WBP2: variants seen among roughly 807,000 people sequenced by gnomAD.
WBP2 encodes the protein WW domain binding protein 2.
In WBP2, 23 loss-of-function variants were observed where a neutral mutation model predicts 33.0. The ratio of observed to expected loss-of-function variants is 0.70; its 90% CI spans 0.50 to 0.99. The LOEUF is 0.99. Ranked by LOEUF, WBP2 falls within the 50% of genes least tolerant of loss-of-function variation. The pLI, the probability that WBP2 is intolerant of heterozygous loss-of-function variation, is 0.00. For missense variants in WBP2, 353 were observed against 358.0 expected (o/e 0.99, Z 0.11); for synonymous variants, 153 against 133.5 (o/e 1.15, Z -1.01).
At chr17:75,848,146 A>T (rs2065006560) in intron 4 of WBP2, 1 of 655,210 alleles carries the variant, frequency 1.5e-6, no homozygotes, top group Non-Finnish European at 2.6e-6. Flanking sequence ...AAGGCAAGGG[A>T]GGTCAAGGGC....
At chr17:75,848,711 T>G (rs112161469) in intron 3 of WBP2, 49 bp from the exon 4 acceptor site, 2 of 1,524,000 alleles carry the variant, frequency 1.3e-6, no homozygotes, top group East Asian at 2.3e-5. Flanking sequence ...AGAAAACTTA[T>G]GCCCAAAGAG....
chr17:75,846,896 A>C lies in WBP2; in HGVS notation c.732+12T>G. ...GCTGTGGGGCTGCACCGGCACTGCC[A>C]AGCCCTCTCACCGTGGGCATGTAGA... is the stretch of plus-strand genomic sequence containing the variant. On this transcript the variant is annotated intron_variant, in intron 7 of 7. Transcript: ENST00000254806. This position sits in a 1 kb window ranked among gnomAD's most constrained non-coding sequence, Gnocchi z 4.8. 6.2e-7 allele frequency: 1 copy of C among 1,614,042 alleles called. No individual in the cohort carries two copies. Among genetic ancestry groups the C allele is most frequent in the Non-Finnish European group, 8.5e-7 (1 of 1,179,952 alleles).
intron 6 of WBP2, 160 bp downstream of exon 6, chr17:75,847,327 C>G (rs970127045): frequency 2.5e-6 from 3 of 1,215,708 alleles, no homozygotes; most frequent in Non-Finnish European, 3.5e-6. Flanking sequence ...AATCTAGCTC[C>G]GCTCCACCAG....
chr17:75,855,606 T>G (rs1472294124), upstream of WBP2: 14 of 370,934 alleles, frequency 3.8e-5, 1 homozygote, highest in South Asian at 4.3e-4. Context: ...CCTGAATTGG[T>G]TCCACATTTT....
In WBP2 at chr17:75,846,014, G is replaced by A. The variant is rs2064987739; in HGVS notation, c.*720C>T. On this transcript the variant is annotated 3_prime_UTR_variant, in exon 8 of 8. Transcript: ENST00000254806. The surrounding 1 kb of genome is among the most constrained non-coding windows in gnomAD (Gnocchi z 4.8). ...CAAGTGGACAGACATGCATTCTCTGGTTCCAGTCAGGAAGCTCCTTCTAGA... is the reference window on the plus strand; with the variant it reads ...CAAGTGGACAGACATGCATTCTCTGATTCCAGTCAGGAAGCTCCTTCTAGA... 1 of 152,502 alleles carries A rather than the reference G, an allele frequency of 6.6e-6. No individual in the cohort carries two copies. The highest frequency in any genetic ancestry group is 1.5e-5 in the Non-Finnish European group (1 of 68,218). The allele number at this position is 152,502 out of a possible 1,614,324, so 9.4% of individuals were successfully genotyped here.
intron 1 of WBP2, among the ~76,000 whole-genome samples, chr17:75,853,018 G>C (rs1377044598): frequency 6.6e-6 from 1 of 152,112 alleles, no homozygotes; most frequent in Non-Finnish European, 1.5e-5. Flanking sequence ...TTCACGACTT[G>C]AAGAGTAACG....
intron 1 of WBP2, among the ~76,000 whole-genome samples, chr17:75,853,041 A>G (rs2065037017): frequency 6.6e-6 from 1 of 151,796 alleles, no homozygotes; most frequent in Non-Finnish European, 1.5e-5. Context: ...CACTATTTTA[A>G]TTATAATTTT....
At chr17:75,853,550 G>C (rs1178337121) in intron 1 of WBP2, among the ~76,000 whole-genome samples, 1 of 152,088 alleles carries the variant, frequency 6.6e-6, no homozygotes, top group African/African-American at 2.4e-5. Context: ...AAGAAAAACA[G>C]TCCCCAGAGA....
Position 75,851,626 on chromosome 17 carries a change from T to G in WBP2, c.110A>C (p.Asn37Thr), listed in dbSNP as rs2065028026. The change falls in exon 2 of 8, where the codon AAC becomes ACC. Residue 37 changes from asparagine to threonine, a missense_variant. Physicochemically the swap from Asn to Thr is moderately conservative, Grantham distance 65 (BLOSUM62 0). Coordinates refer to ENST00000254806, the MANE Select transcript of WBP2 (RefSeq NM_012478.4). ...HVELTFNDMK[N>T]VPEAFKGTKK... is the part of the protein sequence containing the mutation. ...GGTCCCTTTGAAGGCTTCTGGCACG[T>G]TCTTCATGTCATTGAATGTGAGTTC... is the stretch of plus-strand genomic sequence containing the variant. The G allele has an allele frequency of 6.2e-7, 1 of 1,613,706 alleles. No individual in the cohort carries two copies. Among genetic ancestry groups the G allele is most frequent in the South Asian group, 1.1e-5 (1 of 91,078 alleles).
intron 2 of WBP2, among the ~76,000 whole-genome samples, chr17:75,850,367 T>C (rs552927575): frequency 2.6e-5 from 4 of 152,048 alleles, no homozygotes; most frequent in African/African-American, 9.6e-5. Context: ...TGCCTCAGCC[T>C]CCTGAGTAGC....
At position 75,846,597 on chromosome 17, in the gene WBP2, G is replaced by A. The variant is rs1377109088; in HGVS notation, c.*137C>T. On this transcript the variant is annotated 3_prime_UTR_variant, in exon 8 of 8. Transcript: ENST00000254806. The surrounding 1 kb of genome is among the most constrained non-coding windows in gnomAD (Gnocchi z 4.8). ...GCCGGGGGCCCTAATGTCCCACAAT[G>A]CTAGTTCCTGGTAATTGTTTATGAT... The A allele has an allele frequency of 4.4e-6, 5 of 1,138,692 alleles. No homozygotes were observed. The highest frequency in any genetic ancestry group is 6.4e-6 in the Non-Finnish European group (5 of 778,378). The allele number at this position is 1,138,692 out of a possible 1,614,324, so 70.5% of individuals were successfully genotyped here.
chr17:75,853,344 C>A (rs527487358), intron 1 of WBP2, among the ~76,000 whole-genome samples: 33 of 152,322 alleles, frequency 2.2e-4, no homozygotes, highest in African/African-American at 7.7e-4. Flanking sequence ...CCATGCCCAG[C>A]CTAATTATCA....
intron 1 of WBP2, among the ~76,000 whole-genome samples, chr17:75,854,141 C>T (rs1479391225): frequency 4.7e-5 from 7 of 150,032 alleles, no homozygotes; most frequent in Non-Finnish European, 7.4e-5. Context: ...AAACTCTGAG[C>T]GGGTAAGATA....
At chr17:75,850,095 G>C (rs910223896) in intron 2 of WBP2, among the ~76,000 whole-genome samples, 10 of 152,154 alleles carry the variant, frequency 6.6e-5, no homozygotes, top group Non-Finnish European at 1.5e-4. Flanking sequence ...ATGGGTTCCT[G>C]AAAGAGGGGG....
At chr17:75,854,079 G>A (rs1406543766) in intron 1 of WBP2, among the ~76,000 whole-genome samples, 1 of 143,686 alleles carries the variant, frequency 7.0e-6, no homozygotes, top group Admixed American at 7.1e-5. Flanking sequence ...AAAGAGAAGA[G>A]AAGTACTGCT....
At chr17:75,848,481 G>A (rs2065008709) in intron 4 of WBP2, 89 bp downstream of exon 4, 1 of 1,336,756 alleles carries the variant, frequency 7.5e-7, no homozygotes, top group Non-Finnish European at 1.0e-6. Context: ...TTGAGTTCTT[G>A]AAAAAGCAAA....
At position 75,846,377 on chromosome 17, in the gene WBP2, G is replaced by C. The variant is rs2064991169; in HGVS notation, c.*357C>G. ...GGCTCATGAGGCTGAGTGTAGCAGT[G>C]GGTGCCAGACTGAGGGAGCTGGACT... On this transcript the variant is annotated 3_prime_UTR_variant, in exon 8 of 8. Coordinates refer to ENST00000254806, the MANE Select transcript of WBP2 (RefSeq NM_012478.4). The surrounding 1 kb of genome is among the most constrained non-coding windows in gnomAD (Gnocchi z 4.8). The C allele has an allele frequency of 2.8e-6, 1 of 353,180 alleles. No homozygotes were observed. The highest frequency in any genetic ancestry group is 7.4e-5 in the East Asian group (1 of 13,430). The allele number at this position is 353,180 out of a possible 1,614,324, so 21.9% of individuals were successfully genotyped here.
intron 6 of WBP2, chr17:75,847,283 C>A: frequency 2.3e-6 from 2 of 864,884 alleles, no homozygotes; most frequent in South Asian, 1.6e-5. Context: ...CCGCCCAGGG[C>A]ACATGGATAG....
In WBP2 at chr17:75,846,978, G is replaced by T; in HGVS notation, c.662C>A (p.Ala221Asp). 2 of 1,614,076 alleles carry T rather than the reference G, an allele frequency of 1.2e-6. No individual in the cohort carries two copies. Among genetic ancestry groups the T allele is most frequent in the Non-Finnish European group, 1.7e-6 (2 of 1,179,998 alleles). Residue 221 changes from alanine (A) to aspartate (D), a missense_variant, in exon 7 of 8, where the codon GCC becomes GAC. Physicochemically the swap from Ala to Asp is moderately radical, Grantham distance 126. Coordinates refer to ENST00000254806, the MANE Select transcript of WBP2 (RefSeq NM_012478.4). The surrounding 1 kb of genome is among the most constrained non-coding windows in gnomAD (Gnocchi z 4.8). ...GCTGGCGGCTGCTTCTGCGGCCTTG[G>T]CTTCGGCTGTGAGAGCAAACACACC... Reference protein sequence around the residue: ...PDVPSTPAAEAKAAEAAASAY... With the variant: ...PDVPSTPAAEDKAAEAAASAY...
Sources: allele counts gnomAD v4.1 joint callset (sites outside exome capture counted in the v4.1 genomes callset), GRCh38; gene constraint gnomAD v4.1.1; non-coding constraint Gnocchi (gnomAD v3.1); transcripts MANE v1.5; gene names NCBI Gene and HGNC (gene_info 2026-07-23, HGNC 2026-07-21).